The following GALNT17 variants were observed in gnomAD, a reference collection of about 807,000 sequenced individuals.
GALNT17 encodes UDP-GalNAc:polypeptide N-acetylgalactosaminyltransferase-like 3.
In GALNT17, 29 loss-of-function variants were observed where a neutral mutation model predicts 63.7. The observed-to-expected ratio is 0.46, with a 90% CI of 0.34 to 0.62. The LOEUF (loss-of-function observed/expected upper bound fraction) is 0.62. GALNT17 is among the 20% of genes least tolerant of loss of function. GALNT17 has a pLI of 0.01. For missense variants in GALNT17, 603 were observed against 799.6 expected (o/e 0.75, Z 2.97); for synonymous variants, 305 against 318.3 (o/e 0.96, Z 0.45).
intron 1 of GALNT17, among the ~76,000 whole-genome samples, chr7:71,288,363 GC>G (rs1168765798): frequency 6.6e-6 from 1 of 151,530 alleles, no homozygotes; most frequent in Non-Finnish European, 1.5e-5. Context: ...AGTTGGTGTT[GC>G]TCAGTGGTGG....
At chr7:71,572,296 G>C (rs147248738) in intron 6 of GALNT17, among the ~76,000 whole-genome samples, 32 of 151,220 alleles carry the variant, frequency 2.1e-4, no homozygotes, top group African/African-American at 6.6e-4. Context: ...GAGCCCAGGA[G>C]TTCAAAACCA....
chr7:71,236,587 A>T (rs773577439), intron 1 of GALNT17, among the ~76,000 whole-genome samples: 2 of 152,146 alleles, frequency 1.3e-5, no homozygotes, highest in African/African-American at 4.8e-5. Flanking sequence ...ACTTGCTGTC[A>T]TCTGTCCCAC....
chr7:71,456,811 T>C (rs909054000), intron 5 of GALNT17, among the ~76,000 whole-genome samples: 1 of 152,142 alleles, frequency 6.6e-6, no homozygotes, highest in Non-Finnish European at 1.5e-5. Flanking sequence ...GCTCAGGAGG[T>C]CCTGATGACA....
chr7:71,588,978 A>G (rs1303471514), intron 6 of GALNT17, among the ~76,000 whole-genome samples: 2 of 152,168 alleles, frequency 1.3e-5, no homozygotes, highest in African/African-American at 4.8e-5. Context: ...CATAGCCCAC[A>G]TAAGGGTCAA....
rs956514434 is a variant in GALNT17, at chr7:71,688,932, G to T, written c.1500+11626G>T. 3.9e-5 allele frequency among the ~76,000 whole-genome samples: 6 copies of T among 152,130 alleles called. No individual in the cohort carries two copies. The East Asian group carries it at 9.6e-4, about 24-fold the overall frequency. ...GACATCGAGCAAGTCTATGGGTGCCGTTTTTCCAACAGCACCTGCTCACTT... is the reference window on the plus strand; with the variant it reads ...GACATCGAGCAAGTCTATGGGTGCCTTTTTTCCAACAGCACCTGCTCACTT... On this transcript the variant is annotated intron_variant, in intron 9 of 10. Transcript: ENST00000333538.
intron 5 of GALNT17, among the ~76,000 whole-genome samples, chr7:71,550,936 A>C (rs1041448616): frequency 2.0e-5 from 3 of 152,070 alleles, no homozygotes; most frequent in Non-Finnish European, 2.9e-5. Flanking sequence ...GATGTATCTA[A>C]GGATAGATTT....
At chr7:71,205,493 G>A (rs1789255892) in intron 1 of GALNT17, among the ~76,000 whole-genome samples, 2 of 152,090 alleles carry the variant, frequency 1.3e-5, no homozygotes. Flanking sequence ...GTGCAGTAAT[G>A]CTCATTGCAG....
At chr7:71,288,215 CAAAAAAAAAAAA>C (rs59555320) in intron 1 of GALNT17, among the ~76,000 whole-genome samples, 3 of 83,844 alleles carry the variant, frequency 3.6e-5, no homozygotes, top group African/African-American at 1.6e-4. Flanking sequence ...GACTCCATCT[CAAAAAAAAAAAA>C]AAAAAAAAAA....
chr7:71,152,279 G>A (rs530922827), intron 1 of GALNT17, among the ~76,000 whole-genome samples: 73 of 152,160 alleles, frequency 4.8e-4, no homozygotes, highest in African/African-American at 1.7e-3. Context: ...CTTGGGCTGC[G>A]TTTACTTGCA....
chr7:71,419,963 A>G (rs984628284), intron 4 of GALNT17, among the ~76,000 whole-genome samples: 6 of 152,174 alleles, frequency 3.9e-5, no homozygotes, highest in Non-Finnish European at 8.8e-5. Context: ...ATGAAAAGAG[A>G]TGGGTTGTCG....
chr7:71,627,989 A>T (rs1010022476), intron 6 of GALNT17, among the ~76,000 whole-genome samples: 2 of 152,160 alleles, frequency 1.3e-5, no homozygotes, highest in Non-Finnish European at 2.9e-5. Flanking sequence ...TAAATCACAG[A>T]TACACATACA....
At chr7:71,472,485 A>G (rs948738880) in intron 5 of GALNT17, among the ~76,000 whole-genome samples, 1 of 152,140 alleles carries the variant, frequency 6.6e-6, no homozygotes, top group Non-Finnish European at 1.5e-5. Context: ...TCAAGAGGTC[A>G]AGACCATACT....
chr7:71,380,262 A>G (rs1263006334), intron 2 of GALNT17, among the ~76,000 whole-genome samples: 1 of 151,984 alleles, frequency 6.6e-6, no homozygotes, highest in African/African-American at 2.4e-5. Flanking sequence ...ACAGGGAGGG[A>G]AAGGAACATG....
intron 6 of GALNT17, among the ~76,000 whole-genome samples, chr7:71,637,956 C>T (rs188656921): frequency 2.0e-5 from 3 of 152,196 alleles, no homozygotes; most frequent in Non-Finnish European, 4.4e-5. Context: ...GCAGAGCAGT[C>T]CCAAAGGCTG....
In GALNT17 at chr7:71,134,371, A is replaced by G. The variant is rs139086370; in HGVS notation, c.238+1331A>G. Among the ~76,000 whole-genome samples the G allele has an allele frequency of 1.7e-3, 266 of 152,300 alleles. 1 individual carries two copies. The Middle Eastern group carries it at 0.024, about 14-fold the overall frequency. Reference sequence around the variant, plus strand: ...TACCTTCTCACATTGGAGGATCTCAACTGTCTTCACTGTGGTGGCAAGGGG... The same window carrying G: ...TACCTTCTCACATTGGAGGATCTCAGCTGTCTTCACTGTGGTGGCAAGGGG... On this transcript the variant is annotated intron_variant, in intron 1 of 10. Coordinates refer to ENST00000333538, the MANE Select transcript of GALNT17 (RefSeq NM_022479.3).
intron 6 of GALNT17, among the ~76,000 whole-genome samples, chr7:71,597,874 A>G (rs1207724558): frequency 6.6e-6 from 1 of 151,778 alleles, no homozygotes; most frequent in Admixed American, 6.6e-5. Flanking sequence ...CAAAGTCCTC[A>G]TCCTACTGAT....
At chr7:71,464,526 A>G (rs898652362) in intron 5 of GALNT17, among the ~76,000 whole-genome samples, 1 of 152,160 alleles carries the variant, frequency 6.6e-6, no homozygotes, top group Non-Finnish European at 1.5e-5. Flanking sequence ...CCCCTGAAAC[A>G]GAAAGAAGCT....
intron 2 of GALNT17, among the ~76,000 whole-genome samples, chr7:71,370,160 A>G (rs540976791): frequency 2.0e-5 from 3 of 152,210 alleles, no homozygotes; most frequent in African/African-American, 4.8e-5. Flanking sequence ...CAGCAGTTCT[A>G]TAACCTTAAG....
At chr7:71,468,063 T>TG (rs146670416) in intron 5 of GALNT17, among the ~76,000 whole-genome samples, 5,766 of 152,276 alleles carry the variant, frequency 0.038, 187 homozygotes, top group African/African-American at 0.087. Flanking sequence ...GGTCTTGCTC[T>TG]GTCACCCAGG....
Sources: allele counts gnomAD v4.1 joint callset (sites outside exome capture counted in the v4.1 genomes callset), GRCh38; gene constraint gnomAD v4.1.1; transcripts MANE v1.5; gene names NCBI Gene and HGNC (gene_info 2026-07-23, HGNC 2026-07-21).